The following CSRNP3 variants were observed in gnomAD, a reference collection of about 807,000 sequenced individuals.
CSRNP3 encodes the protein cysteine and serine rich nuclear protein 3.
In CSRNP3, 12 loss-of-function variants were observed where a neutral mutation model predicts 48.0. That is an observed-to-expected ratio of 0.25 (90% CI 0.16 to 0.41). CSRNP3 has a LOEUF of 0.41. Among genes scored for constraint, CSRNP3 ranks in the 10% least tolerant of loss-of-function variants. The pLI is 1.00. For synonymous variants in CSRNP3, 263 were observed against 269.7 expected, an observed-to-expected ratio of 0.98 and a Z score of 0.24; for missense variants, 580 against 724.4, an observed-to-expected ratio of 0.80 and a Z score of 2.29.
intron 3 of CSRNP3, among the ~76,000 whole-genome samples, chr2:165,583,107 T>C (rs867176951): frequency 2.0e-5 from 3 of 152,350 alleles, no homozygotes; most frequent in Middle Eastern, 3.4e-3. Flanking sequence ...TGGAAACACC[T>C]TGTGGGATTT....
chr2:165,506,565 C>T (rs560048955), intron 2 of CSRNP3, among the ~76,000 whole-genome samples: 1 of 152,294 alleles, frequency 6.6e-6, no homozygotes, highest in African/African-American at 2.4e-5. Flanking sequence ...AGCACCCACT[C>T]TTGATCTCTG....
intron 2 of CSRNP3, among the ~76,000 whole-genome samples, chr2:165,500,941 A>G (rs529311519): frequency 1.3e-5 from 2 of 152,294 alleles, no homozygotes; most frequent in African/African-American, 4.8e-5. Flanking sequence ...GTCCTATTTT[A>G]TGATTTCCTC....
rs544733876 is a variant in CSRNP3 at position 165,618,480 on chromosome 2, T to C, written c.148+23267T>C. ...TATTTGCTAATACAGACTACCCAAATAGTACTGTCATTTAATTGGGCTCTA... is the reference window on the plus strand; with the variant it reads ...TATTTGCTAATACAGACTACCCAAACAGTACTGTCATTTAATTGGGCTCTA... On this transcript the variant is annotated intron_variant, in intron 4 of 6. Coordinates refer to ENST00000651982, the MANE Select transcript of CSRNP3 (RefSeq NM_001172173.2). Among the ~76,000 whole-genome samples the C allele has an allele frequency of 6.3e-4, 96 of 152,326 alleles. No homozygotes were observed. The South Asian group carries it at 0.016, about 25-fold the overall frequency.
intron 2 of CSRNP3, among the ~76,000 whole-genome samples, chr2:165,507,476 C>A (rs1268824039): frequency 6.6e-6 from 1 of 152,220 alleles, no homozygotes; most frequent in East Asian, 1.9e-4. Context: ...ATTTAGGGCT[C>A]CTCTGTATTC....
chr2:165,570,695 C>G (rs957328679), intron 3 of CSRNP3, among the ~76,000 whole-genome samples: 3 of 151,626 alleles, frequency 2.0e-5, no homozygotes, highest in Non-Finnish European at 4.4e-5. Context: ...CTTAAGAACC[C>G]AGAAGTATAC....
At chr2:165,633,707 T>A (rs919189830) in intron 4 of CSRNP3, among the ~76,000 whole-genome samples, 1 of 152,232 alleles carries the variant, frequency 6.6e-6, no homozygotes, top group African/African-American at 2.4e-5. Context: ...CTTTGCTCAT[T>A]TCCTCCTTGC....
intron 3 of CSRNP3, among the ~76,000 whole-genome samples, chr2:165,556,803 G>A (rs1420726308): frequency 6.6e-6 from 1 of 152,116 alleles, no homozygotes; most frequent in South Asian, 2.1e-4. Flanking sequence ...TATCAATATA[G>A]CAATGCAAGA....
intron 3 of CSRNP3, among the ~76,000 whole-genome samples, chr2:165,563,388 A>G (rs1685258577): frequency 6.6e-6 from 1 of 152,122 alleles, no homozygotes; most frequent in Admixed American, 6.6e-5. Context: ...AAATAAGGTA[A>G]ACGCCAACCT....
At chr2:165,535,102 T>C (rs891969030) in intron 3 of CSRNP3, among the ~76,000 whole-genome samples, 6 of 151,788 alleles carry the variant, frequency 4.0e-5, no homozygotes, top group Non-Finnish European at 5.9e-5. Context: ...GTTAGTTATG[T>C]TTACCAGCTT....
At chr2:165,535,048 C>G (rs542906479) in intron 3 of CSRNP3, among the ~76,000 whole-genome samples, 1 of 151,788 alleles carries the variant, frequency 6.6e-6, no homozygotes, top group Admixed American at 6.6e-5. Flanking sequence ...GCTATTGATA[C>G]TGTAAGAATA....
intron 5 of CSRNP3, among the ~76,000 whole-genome samples, chr2:165,660,106 T>C (rs944780226): frequency 6.6e-6 from 1 of 152,216 alleles, no homozygotes; most frequent in African/African-American, 2.4e-5. Flanking sequence ...GATTTGCTTC[T>C]CTTCTGAAAT....
At chr2:165,539,584 C>T in intron 3 of CSRNP3, among the ~76,000 whole-genome samples, 1 of 151,994 alleles carries the variant, frequency 6.6e-6, no homozygotes, top group East Asian at 1.9e-4. Flanking sequence ...GTGTCTTGAA[C>T]AGCTGATGTA....
chr2:165,564,966 A>G (rs1685279268), intron 3 of CSRNP3, among the ~76,000 whole-genome samples: 1 of 152,090 alleles, frequency 6.6e-6, no homozygotes, highest in Admixed American at 6.6e-5. Flanking sequence ...TATTGTATAA[A>G]TATGATGCAA....
At chr2:165,591,766 C>T (rs977811214) in intron 3 of CSRNP3, among the ~76,000 whole-genome samples, 1 of 152,220 alleles carries the variant, frequency 6.6e-6, no homozygotes, top group African/African-American at 2.4e-5. Context: ...GCTTGGGAAC[C>T]TCTGCCTAGG....
chr2:165,679,095 G>C lies in CSRNP3; in HGVS notation c.1100G>C (p.Ser367Thr). The C allele has an allele frequency of 6.2e-7, 1 of 1,613,688 alleles. No individual in the cohort carries two copies. The highest frequency in any genetic ancestry group is 8.5e-7 in the Non-Finnish European group (1 of 1,179,836). ...TCTAGCACGCAAAGCTTGGCACCTAGTGAGTCAGACGAGGAGGAGGAGGAA... is the reference window on the plus strand; with the variant it reads ...TCTAGCACGCAAAGCTTGGCACCTACTGAGTCAGACGAGGAGGAGGAGGAA... ...TDSSTQSLAP[S>T]ESDEEEEEEE... Residue 367 changes from serine (S) to threonine (T), a missense_variant, in exon 7 of 7, where the codon AGT becomes ACT. Transcript: ENST00000651982.
At chr2:165,498,257 G>A (rs1684308345) in intron 2 of CSRNP3, among the ~76,000 whole-genome samples, 1 of 152,076 alleles carries the variant, frequency 6.6e-6, no homozygotes, top group East Asian at 1.9e-4. Flanking sequence ...TGAAAAGTAG[G>A]TGAGATGAAG....
intron 1 of CSRNP3, among the ~76,000 whole-genome samples, chr2:165,493,447 C>A (rs1005395603): frequency 6.6e-6 from 1 of 151,990 alleles, no homozygotes; most frequent in African/African-American, 2.4e-5. Flanking sequence ...GTCTGTTAAC[C>A]CTTCCAAGTT....
chr2:165,543,580 T>A (rs1199067527), intron 3 of CSRNP3, among the ~76,000 whole-genome samples: 1 of 152,148 alleles, frequency 6.6e-6, no homozygotes, highest in Non-Finnish European at 1.5e-5. Context: ...AATTCTTTTC[T>A]TTTTTTCAAG....
chr2:165,508,743 G>A (rs1213467065), intron 2 of CSRNP3, among the ~76,000 whole-genome samples: 2 of 151,964 alleles, frequency 1.3e-5, no homozygotes, highest in Non-Finnish European at 2.9e-5. Flanking sequence ...AGCACCTTAT[G>A]GAAATTCCCC....
Sources: allele counts gnomAD v4.1 joint callset (sites outside exome capture counted in the v4.1 genomes callset), GRCh38; gene constraint gnomAD v4.1.1; transcripts MANE v1.5; gene names NCBI Gene and HGNC (gene_info 2026-07-23, HGNC 2026-07-21).